Variants in ATP2B1 observed in about 807,000 individuals in gnomAD.
ATP2B1 encodes the protein ATPase plasma membrane Ca2+ transporting 1.
Under a neutral mutation model 124.2 loss-of-function variants are expected in ATP2B1, and 14 were observed. The observed-to-expected ratio is 0.11, with a 90% CI of 0.07 to 0.18. The LOEUF (loss-of-function observed/expected upper bound fraction) is 0.18, where lower values mean the gene tolerates loss of function less well. Among genes scored for constraint, ATP2B1 ranks in the 10% least tolerant of loss-of-function variants. The probability of loss-of-function intolerance (pLI) is 1.00; values close to 1 mark genes in which losing one functional copy is unlikely to be tolerated. For synonymous variants in ATP2B1, 449 were observed against 492.4 expected, an observed-to-expected ratio of 0.91 and a Z score of 1.17; for missense variants, 763 against 1,466.1, an observed-to-expected ratio of 0.52 and a Z score of 7.83.
At chr12:89,608,745 A>C (rs1031856826) in intron 15 of ATP2B1, among the ~76,000 whole-genome samples, 3 of 152,178 alleles carry the variant, frequency 2.0e-5, no homozygotes, top group Admixed American at 6.5e-5. Context: ...AGCAATAAGA[A>C]TCCTGCTAAA....
intron 2 of ATP2B1, among the ~76,000 whole-genome samples, chr12:89,643,243 T>C (rs7971752): frequency 6.6e-6 from 1 of 151,318 alleles, no homozygotes; most frequent in Admixed American, 6.6e-5. Flanking sequence ...TATATATGTA[T>C]ATATACACAC....
At chr12:89,699,417 G>A (rs12812760) in intron 1 of ATP2B1, among the ~76,000 whole-genome samples, 6,686 of 152,248 alleles carry the variant, frequency 0.044, 189 homozygotes, top group Non-Finnish European at 0.066. Context: ...CAGACGAAAC[G>A]TCAAAATGAT....
At chr12:89,643,445 A>G (rs183665531) in intron 2 of ATP2B1, among the ~76,000 whole-genome samples, 17 of 152,294 alleles carry the variant, frequency 1.1e-4, no homozygotes, top group Admixed American at 4.6e-4. Flanking sequence ...TTCGATTGAT[A>G]TAACAGGAAA....
chr12:89,667,556 C>T (rs1340174995), intron 1 of ATP2B1, among the ~76,000 whole-genome samples: 1 of 152,178 alleles, frequency 6.6e-6, no homozygotes, highest in Non-Finnish European at 1.5e-5. Flanking sequence ...CAATATTAAA[C>T]TTATCACTGT....
intron 5 of ATP2B1, 135 bp from the exon 6 acceptor site, chr12:89,630,780 A>AAT: frequency 8.1e-6 from 2 of 246,340 alleles, no homozygotes; most frequent in Admixed American, 5.5e-5. Flanking sequence ...TAAATATATA[A>AAT]ATATATATAT....
chr12:89,657,937 C>CT (rs1886151884), intron 1 of ATP2B1, among the ~76,000 whole-genome samples: 2 of 152,142 alleles, frequency 1.3e-5, no homozygotes, highest in Non-Finnish European at 2.9e-5. Flanking sequence ...TGCCTCCTTC[C>CT]TCCCACTTCA....
At chr12:89,598,018 T>C (rs1874990959) in intron 20 of ATP2B1, among the ~76,000 whole-genome samples, 1 of 94,216 alleles carries the variant, frequency 1.1e-5, no homozygotes, top group Admixed American at 1.8e-4. Context: ...TGATTTCCCC[T>C]GAAACCACTG....
At chr12:89,666,745 G>A (rs548710940) in intron 1 of ATP2B1, among the ~76,000 whole-genome samples, 74 of 152,096 alleles carry the variant, frequency 4.9e-4, no homozygotes, top group African/African-American at 1.7e-3. Flanking sequence ...TATGATCCAC[G>A]GACATATCTC....
chr12:89,639,885 GA>G (rs1437070230), intron 3 of ATP2B1, among the ~76,000 whole-genome samples: 4 of 152,070 alleles, frequency 2.6e-5, no homozygotes, highest in Admixed American at 2.6e-4. Context: ...TGTTTTCTAA[GA>G]AAACTAAAAT....
intron 5 of ATP2B1, among the ~76,000 whole-genome samples, chr12:89,631,329 A>C (rs1033764055): frequency 6.6e-6 from 1 of 152,198 alleles, no homozygotes; most frequent in Non-Finnish European, 1.5e-5. Context: ...ATGCTCATTA[A>C]TTGTAACCTA....
intron 9 of ATP2B1, among the ~76,000 whole-genome samples, chr12:89,622,476 C>G (rs752049750): frequency 1.3e-5 from 2 of 152,008 alleles, no homozygotes; most frequent in Non-Finnish European, 2.9e-5. Context: ...ACAGTTTTCA[C>G]AGTAGTCTCA....
rs1002955141 is a variant in ATP2B1 at position 89,590,393 on chromosome 12, G to C, written c.*591C>G. ...AAGGTAAATTGTAGGCAAAAATTTA[G>C]TACAGTTTCAATAGAAACACCCCTT... On this transcript the variant is annotated 3_prime_UTR_variant, in exon 21 of 21. Coordinates refer to ENST00000428670, the MANE Select transcript of ATP2B1 (RefSeq NM_001366521.1). 1.4e-5 allele frequency: 2 copies of C among 147,944 alleles called. No individual in the cohort carries two copies. The highest frequency in any genetic ancestry group is 3.0e-5 in the Non-Finnish European group (2 of 67,224). 9.2% of individuals were successfully genotyped at this position (147,944 alleles called of 1,614,324 possible).
At chr12:89,663,020 T>C (rs1046318925) in intron 1 of ATP2B1, among the ~76,000 whole-genome samples, 5 of 152,328 alleles carry the variant, frequency 3.3e-5, no homozygotes, top group Non-Finnish European at 5.9e-5. Flanking sequence ...CTGTAACTCA[T>C]GGGAGAATCT....
Position 89,646,831 on chromosome 12 carries a change from AT to A in ATP2B1, c.209-4477del, listed in dbSNP as rs1013956534. On this transcript the variant is annotated intron_variant, in intron 2 of 20. Coordinates refer to ENST00000428670, the MANE Select transcript of ATP2B1 (RefSeq NM_001366521.1). Reference sequence around the variant, plus strand: ...ATGAGTTCAAATGGGTTTTATTTGCATTTTTTTTTTTAAAAGTAGGTGACAG... The same window carrying A: ...ATGAGTTCAAATGGGTTTTATTTGCATTTTTTTTTTAAAAGTAGGTGACAG... Among the ~76,000 whole-genome samples the A allele has an allele frequency of 3.5e-3, 527 of 149,440 alleles. 2 individuals carry two copies. Among genetic ancestry groups the A allele is most frequent in the African/African-American group, 9.2e-3 (375 of 40,904 alleles).
At chr12:89,673,363 C>T (rs972014148) in intron 1 of ATP2B1, among the ~76,000 whole-genome samples, 14 of 152,182 alleles carry the variant, frequency 9.2e-5, no homozygotes, top group African/African-American at 3.4e-4. Context: ...TATGCGCTCT[C>T]GTCTTTCCTA....
At chr12:89,639,552 A>C (rs906980157) in intron 3 of ATP2B1, among the ~76,000 whole-genome samples, 1 of 149,696 alleles carries the variant, frequency 6.7e-6, no homozygotes, top group Non-Finnish European at 1.5e-5. Context: ...TATCTGTCTC[A>C]ATATACATAT....
At chr12:89,638,979 C>G (rs1883104994) in intron 3 of ATP2B1, among the ~76,000 whole-genome samples, 2 of 152,002 alleles carry the variant, frequency 1.3e-5, no homozygotes, top group South Asian at 4.1e-4. Context: ...GGTCTCGAGA[C>G]CAAAAAGTTT....
chr12:89,608,594 G>A (rs756585010), intron 15 of ATP2B1, among the ~76,000 whole-genome samples: 1 of 151,642 alleles, frequency 6.6e-6, no homozygotes, highest in Non-Finnish European at 1.5e-5. Context: ...ATTGTATTGT[G>A]TATTTGTTTG....
intron 6 of ATP2B1, among the ~76,000 whole-genome samples, chr12:89,628,252 A>C (rs192539603): frequency 6.6e-6 from 1 of 152,172 alleles, no homozygotes; most frequent in East Asian, 1.9e-4. Flanking sequence ...AAAATAAAAA[A>C]TTAGCCGGGT....
Sources: allele counts gnomAD v4.1 joint callset (sites outside exome capture counted in the v4.1 genomes callset), GRCh38; gene constraint gnomAD v4.1.1; transcripts MANE v1.5; gene names NCBI Gene and HGNC (gene_info 2026-07-23, HGNC 2026-07-21).